DGKB: variants seen among roughly 807,000 people sequenced by gnomAD.
The protein encoded by DGKB is diacylglycerol kinase beta.
Under a neutral mutation model 114.3 loss-of-function variants are expected in DGKB, and 67 were observed. The observed-to-expected ratio is 0.59, with a 90% CI of 0.48 to 0.72. The LOEUF is 0.72. Ranked by LOEUF, DGKB falls within the 30% of genes least tolerant of loss-of-function variation. The pLI is 0.00. For missense variants in DGKB, 907 were observed against 975.2 expected (o/e 0.93, Z 0.93); for synonymous variants, 398 against 323.1 (o/e 1.23, Z -2.49).
chr7:14,829,013 A>G (rs1331610280), intron 2 of DGKB, among the ~76,000 whole-genome samples: 1 of 152,092 alleles, frequency 6.6e-6, no homozygotes, highest in Non-Finnish European at 1.5e-5. Flanking sequence ...CAACCTAGAA[A>G]AAAAATAGAA....
At chr7:14,232,780 T>C (rs1281235632) in intron 23 of DGKB, among the ~76,000 whole-genome samples, 1 of 151,992 alleles carries the variant, frequency 6.6e-6, no homozygotes, top group Non-Finnish European at 1.5e-5. Flanking sequence ...GTTTCATTGC[T>C]CTCAAAATAA....
At chr7:14,552,859 A>C (rs1795297234) in intron 20 of DGKB, among the ~76,000 whole-genome samples, 1 of 152,242 alleles carries the variant, frequency 6.6e-6, no homozygotes, top group Non-Finnish European at 1.5e-5. Context: ...TCAAAGCCAC[A>C]AGGACAAGAA....
chr7:14,517,702 TA>T (rs748784057), intron 20 of DGKB, among the ~76,000 whole-genome samples: 1 of 151,270 alleles, frequency 6.6e-6, no homozygotes, highest in African/African-American at 2.4e-5. Context: ...AACAAGCATA[TA>T]AAAAAGGCCC....
chr7:14,310,131 T>TGGAA (rs1212213767), intron 23 of DGKB, among the ~76,000 whole-genome samples: 2 of 151,790 alleles, frequency 1.3e-5, no homozygotes, highest in Admixed American at 1.3e-4. Context: ...CCTGAGAAAA[T>TGGAA]ATATATGGAA....
chr7:14,501,231 A>C (rs1009358776), intron 20 of DGKB, among the ~76,000 whole-genome samples: 1 of 151,918 alleles, frequency 6.6e-6, no homozygotes, highest in African/African-American at 2.4e-5. Flanking sequence ...GGGCCTGCCC[A>C]GGAAGGCTTC....
At chr7:14,397,129 A>T (rs1220304302) in intron 21 of DGKB, among the ~76,000 whole-genome samples, 1 of 152,140 alleles carries the variant, frequency 6.6e-6, no homozygotes, top group African/African-American at 2.4e-5. Flanking sequence ...TCGCAATTTT[A>T]CATAGGTAGA....
chr7:14,350,239 A>T (rs1813202844), intron 21 of DGKB, among the ~76,000 whole-genome samples: 1 of 152,152 alleles, frequency 6.6e-6, no homozygotes, highest in African/African-American at 2.4e-5. Flanking sequence ...TCTTGTTGCT[A>T]TGAAATTTAG....
At chr7:14,772,812 C>A (rs1837612777) in intron 2 of DGKB, among the ~76,000 whole-genome samples, 1 of 152,094 alleles carries the variant, frequency 6.6e-6, no homozygotes, top group South Asian at 2.1e-4. Flanking sequence ...CCATTGTTTT[C>A]TTGTACTTGG....
At chr7:14,782,618 T>C (rs1839289477) in intron 2 of DGKB, among the ~76,000 whole-genome samples, 1 of 151,974 alleles carries the variant, frequency 6.6e-6, no homozygotes, top group Non-Finnish European at 1.5e-5. Context: ...CCAATAATGA[T>C]AAAATTGTAA....
intron 1 of DGKB, among the ~76,000 whole-genome samples, chr7:14,871,629 T>G (rs1852472432): frequency 6.6e-6 from 1 of 152,188 alleles, no homozygotes; most frequent in Non-Finnish European, 1.5e-5. Context: ...GAATTAGGCC[T>G]TCTGTTTCTT....
At chr7:14,270,768 G>A (rs986898876) in intron 23 of DGKB, among the ~76,000 whole-genome samples, 2 of 152,190 alleles carry the variant, frequency 1.3e-5, no homozygotes, top group Admixed American at 6.5e-5. Context: ...GTGAAGCCCT[G>A]TGCTGGAATT....
intron 13 of DGKB, among the ~76,000 whole-genome samples, chr7:14,667,172 C>T (rs1293444439): frequency 6.6e-6 from 1 of 151,976 alleles, no homozygotes; most frequent in South Asian, 2.1e-4. Flanking sequence ...TAACCTACAG[C>T]TTATAACAAC....
At chr7:14,482,358 T>C (rs1379447421) in intron 20 of DGKB, among the ~76,000 whole-genome samples, 1 of 152,078 alleles carries the variant, frequency 6.6e-6, no homozygotes, top group Non-Finnish European at 1.5e-5. Flanking sequence ...ATGAAGTATA[T>C]GAGGAAATTT....
intron 4 of DGKB, among the ~76,000 whole-genome samples, chr7:14,747,775 G>GCGCGCGTGCGCGCGCGCACACACACA: frequency 9.4e-5 from 14 of 149,176 alleles, no homozygotes; most frequent in African/African-American, 3.5e-4. Flanking sequence ...ACATCCACGC[G>GCGCGCGTGCGCGCGCGCACACACACA]CACGCACACA....
chr7:14,403,868 A>C (rs1030323594), intron 21 of DGKB, among the ~76,000 whole-genome samples: 2 of 151,936 alleles, frequency 1.3e-5, no homozygotes, highest in African/African-American at 4.8e-5. Flanking sequence ...TACTCATCTA[A>C]GCTTTGTTAA....
At chr7:14,813,494 A>G (rs1018494404) in intron 2 of DGKB, among the ~76,000 whole-genome samples, 7 of 152,122 alleles carry the variant, frequency 4.6e-5, no homozygotes, top group African/African-American at 1.7e-4. Flanking sequence ...TTTAGCAGCC[A>G]CCAGATATTT....
chr7:14,790,099 A>G (rs1840452055), intron 2 of DGKB, among the ~76,000 whole-genome samples: 1 of 152,126 alleles, frequency 6.6e-6, no homozygotes, highest in African/African-American at 2.4e-5. Context: ...CTTCAGGACA[A>G]TATCTGTTCA....
intron 21 of DGKB, among the ~76,000 whole-genome samples, chr7:14,379,878 CAATAATTCCTCTCCCAA>C (rs1819148927): frequency 7.1e-6 from 1 of 141,592 alleles, no homozygotes; most frequent in African/African-American, 2.6e-5. Context: ...GCTTTTAATA[CAATAATTCCTCTCCCAA>C]AGTGTTGGGA....
intron 4 of DGKB, among the ~76,000 whole-genome samples, chr7:14,739,194 C>A (rs1832176775): frequency 6.6e-6 from 1 of 152,160 alleles, no homozygotes; most frequent in Non-Finnish European, 1.5e-5. Context: ...AATGTCTAGG[C>A]AGGTAAGGGA....
Sources: allele counts gnomAD v4.1 joint callset (sites outside exome capture counted in the v4.1 genomes callset), GRCh38; gene constraint gnomAD v4.1.1; transcripts MANE v1.5; gene names NCBI Gene and HGNC (gene_info 2026-07-23, HGNC 2026-07-21).